DLG2: variants seen among roughly 807,000 people sequenced by gnomAD.
The protein encoded by DLG2 is disks large homolog 2.
Under a neutral mutation model 132.5 loss-of-function variants are expected in DLG2, and 45 were observed. The observed-to-expected ratio is 0.34, with a 90% confidence interval of 0.27 to 0.44. DLG2 has a LOEUF of 0.44. Ranked by LOEUF, DLG2 falls within the 20% of genes least tolerant of loss-of-function variation. The pLI is 1.00. For synonymous variants in DLG2, 424 were observed against 419.6 expected, an observed-to-expected ratio of 1.01 and a Z score of -0.13; for missense variants, 1,045 against 1,196.9, an observed-to-expected ratio of 0.87 and a Z score of 1.87.
chr11:85,098,183 G>A (rs1310639743), intron 6 of DLG2, among the ~76,000 whole-genome samples: 1 of 152,136 alleles, frequency 6.6e-6, no homozygotes, highest in African/African-American at 2.4e-5. Flanking sequence ...GTAAGCAGTG[G>A]AGATAGGATT....
chr11:84,119,401 G>A (rs1426912269), intron 9 of DLG2, among the ~76,000 whole-genome samples: 6 of 151,494 alleles, frequency 4.0e-5, no homozygotes, highest in African/African-American at 9.7e-5. Context: ...GCAGATGAGC[G>A]TTTTAGTTCA....
chr11:85,597,271 A>C lies in DLG2; in HGVS notation c.40+1386T>G, dbSNP rs1381155996. 2.0e-5 allele frequency among the ~76,000 whole-genome samples: 3 copies of C among 152,274 alleles called. No homozygotes were observed. The East Asian group carries it at 5.8e-4, about 29-fold the overall frequency. On this transcript the variant is annotated intron_variant, in intron 3 of 27. Transcript: ENST00000376104. ...AGTTCTCAAAAATGCAAATTCTCAA[A>C]AGACTTAGCCAGTCTTAAGTAAACA...
At chr11:83,684,851 A>G (rs187038639) in intron 18 of DLG2, among the ~76,000 whole-genome samples, 5 of 152,128 alleles carry the variant, frequency 3.3e-5, no homozygotes, top group Admixed American at 6.6e-5. Flanking sequence ...ATGAGTCATG[A>G]TAACTCTTAT....
At chr11:84,989,312 A>C (rs2056839432) in intron 6 of DLG2, among the ~76,000 whole-genome samples, 1 of 152,054 alleles carries the variant, frequency 6.6e-6, no homozygotes, top group African/African-American at 2.4e-5. Flanking sequence ...AGTAGCTGGG[A>C]TTATAGGCAT....
At position 83,886,957 on chromosome 11, in the gene DLG2, A is replaced by G. The variant is rs2068079257; in HGVS notation, c.1497-12469T>C. Among the ~76,000 whole-genome samples the G allele has an allele frequency of 2.0e-5, 3 of 152,134 alleles. No homozygotes were observed. In the South Asian group the frequency reaches 6.2e-4, roughly 31 times the overall value. ...GGGACACATTCAAAGCAGTGTGTAG[A>G]GGGAAATTTATAGCACTAAATGCCC... On this transcript the variant is annotated intron_variant, in intron 15 of 27. Coordinates refer to ENST00000376104, the MANE Select transcript of DLG2 (RefSeq NM_001142699.3).
intron 21 of DLG2, among the ~76,000 whole-genome samples, chr11:83,513,501 T>C (rs1009108571): frequency 6.6e-6 from 1 of 152,224 alleles, no homozygotes; most frequent in African/African-American, 2.4e-5. Flanking sequence ...TGATGGTAGT[T>C]TCTTTTGCTG....
intron 6 of DLG2, among the ~76,000 whole-genome samples, chr11:84,842,608 G>C (rs549178931): frequency 6.6e-6 from 1 of 152,060 alleles, no homozygotes; most frequent in East Asian, 1.9e-4. Context: ...TCAATAGTTA[G>C]AGAAATTTGC....
intron 11 of DLG2, among the ~76,000 whole-genome samples, chr11:84,056,483 G>A (rs1439582623): frequency 1.3e-5 from 2 of 152,138 alleles, no homozygotes; most frequent in African/African-American, 4.8e-5. Flanking sequence ...ATTAAAGGTA[G>A]TTGACTTCAA....
At chr11:85,237,203 T>G (rs2075632244) in intron 4 of DLG2, among the ~76,000 whole-genome samples, 1 of 152,054 alleles carries the variant, frequency 6.6e-6, no homozygotes, top group African/African-American at 2.4e-5. Flanking sequence ...GAATCTAGAT[T>G]GAGTTTTCAT....
At chr11:84,996,654 C>A (rs2057678698) in intron 6 of DLG2, among the ~76,000 whole-genome samples, 1 of 152,068 alleles carries the variant, frequency 6.6e-6, no homozygotes, top group Admixed American at 6.6e-5. Context: ...AAATACTAAT[C>A]TAATGTGGGG....
intron 6 of DLG2, among the ~76,000 whole-genome samples, chr11:84,841,076 TAA>T (rs932170403): frequency 1.6e-4 from 24 of 150,650 alleles, no homozygotes; most frequent in Non-Finnish European, 5.9e-5. Flanking sequence ...TATGCAGCAA[TAA>T]AAAGAGTGCA....
chr11:83,637,210 AT>A (rs2153470551), intron 18 of DLG2, among the ~76,000 whole-genome samples: 1 of 152,312 alleles, frequency 6.6e-6, no homozygotes, highest in East Asian at 1.9e-4. Flanking sequence ...ACACTACCAT[AT>A]CCATTAAATA....
chr11:84,814,158 A>G (rs1357979283), intron 6 of DLG2, among the ~76,000 whole-genome samples: 1 of 152,022 alleles, frequency 6.6e-6, no homozygotes, highest in African/African-American at 2.4e-5. Flanking sequence ...CCCCTCAAAG[A>G]AAGTTTGCAG....
At chr11:85,505,925 A>G (rs1017500133) in intron 3 of DLG2, among the ~76,000 whole-genome samples, 5 of 152,152 alleles carry the variant, frequency 3.3e-5, no homozygotes, top group African/African-American at 1.2e-4. Context: ...CAGGGATTTA[A>G]CTTCTTCCTG....
chr11:85,555,740 G>A (rs1468757732), intron 3 of DLG2, among the ~76,000 whole-genome samples: 1 of 151,878 alleles, frequency 6.6e-6, no homozygotes, highest in East Asian at 1.9e-4. Context: ...AGATTATCTA[G>A]GGAACTCTGT....
intron 3 of DLG2, among the ~76,000 whole-genome samples, chr11:85,506,403 C>A (rs1476148773): frequency 6.6e-6 from 1 of 152,234 alleles, no homozygotes; most frequent in East Asian, 1.9e-4. Flanking sequence ...CCCAGATATT[C>A]TGGTATGTTG....
chr11:84,853,097 G>A (rs1413043944), intron 6 of DLG2, among the ~76,000 whole-genome samples: 2 of 151,932 alleles, frequency 1.3e-5, no homozygotes, highest in Admixed American at 1.3e-4. Flanking sequence ...CAGTTTTATT[G>A]ATGAAAAACT....
intron 10 of DLG2, among the ~76,000 whole-genome samples, chr11:84,097,803 T>C (rs770094049): frequency 9.9e-5 from 15 of 152,166 alleles, no homozygotes; most frequent in Non-Finnish European, 2.1e-4. Flanking sequence ...AAAAGTGACA[T>C]TAGGGCATGT....
chr11:85,173,668 A>C (rs938148328), intron 4 of DLG2, among the ~76,000 whole-genome samples: 1 of 152,174 alleles, frequency 6.6e-6, no homozygotes, highest in Non-Finnish European at 1.5e-5. Flanking sequence ...TTCCAATTAG[A>C]AGACAGAATG....
Sources: allele counts gnomAD v4.1 joint callset (sites outside exome capture counted in the v4.1 genomes callset), GRCh38; gene constraint gnomAD v4.1.1; transcripts MANE v1.5; gene names NCBI Gene and HGNC (gene_info 2026-07-23, HGNC 2026-07-21).